The following ITIH4 variants were observed in gnomAD, a reference collection of about 807,000 sequenced individuals.
ITIH4 encodes inter-alpha-trypsin inhibitor heavy chain H4.
In ITIH4, 79 loss-of-function variants were observed where a neutral mutation model predicts 111.8. That is an observed-to-expected ratio of 0.71 (90% CI 0.59 to 0.85). ITIH4 has a LOEUF of 0.85. Ranked by LOEUF, ITIH4 falls within the 40% of genes least tolerant of loss-of-function variation. The probability of loss-of-function intolerance (pLI) is 0.00; values close to 1 mark genes in which losing one functional copy is unlikely to be tolerated. For missense variants in ITIH4, 1,065 were observed against 1,195.8 expected (o/e 0.89, Z 1.61); for synonymous variants, 472 against 468.3 (o/e 1.01, Z -0.10).
rs772622093 is a variant in ITIH4 at position 52,819,525 on chromosome 3, A to C, written c.1952-7T>G. The C allele has an allele frequency of 1.2e-5, 20 of 1,613,948 alleles. No individual in the cohort carries two copies. Among genetic ancestry groups the C allele is most frequent in the Non-Finnish European group, 1.7e-5 (20 of 1,179,996 alleles). ...CGGGAGCCAGCAGCTCCAGCTTTGG[A>C]GAAATCGACAGATGCAGTCTTCTCT... On this transcript the variant is annotated splice_polypyrimidine_tract_variant and splice_region_variant and intron_variant, in intron 16 of 23. Coordinates refer to ENST00000266041, the MANE Select transcript of ITIH4 (RefSeq NM_002218.5).
Position 52,824,625 on chromosome 3 carries a change from T to TC in ITIH4, c.877-61_877-60insG. 1.3e-6 allele frequency: 2 copies of TC among 1,534,428 alleles called. No homozygotes were observed. Among genetic ancestry groups the TC allele is most frequent in the Non-Finnish European group, 1.8e-6 (2 of 1,131,700 alleles). Reference sequence around the variant, plus strand: ...GGGCTCCCTGAGGGCTCGTGTGCCCTAGGGCTGGCATCCTTGGACTCCTGT... The same window carrying TC: ...GGGCTCCCTGAGGGCTCGTGTGCCCTCAGGGCTGGCATCCTTGGACTCCTGT... On this transcript the variant is annotated intron_variant, in intron 7 of 23. Coordinates refer to ENST00000266041, the MANE Select transcript of ITIH4 (RefSeq NM_002218.5). This position sits in a 1 kb window ranked among gnomAD's most constrained non-coding sequence, Gnocchi z 4.3.
chr3:52,818,466 G>T lies in ITIH4; in HGVS notation c.2148C>A (p.Ile716=), dbSNP rs761389777. The change falls in exon 18 of 24, where the codon ATC becomes ATA. Residue 716 remains isoleucine (I), a synonymous_variant. Coordinates refer to ENST00000266041, the MANE Select transcript of ITIH4 (RefSeq NM_002218.5). ...GGCCTCTGGCCTTGGGGGCACCTTC[G>T]ATTTTCATATTCATGACACGAGACA... ...PAVSRVMNMK[I]EETTMTTQTP... is the part of the protein sequence containing the mutation. The T allele has an allele frequency of 5.6e-6, 9 of 1,601,242 alleles. No homozygotes were observed. The highest frequency in any genetic ancestry group is 7.7e-6 in the Non-Finnish European group (9 of 1,173,660).
At chr3:52,815,811 G>A (rs1578770589) in intron 21 of ITIH4, among the ~76,000 whole-genome samples, 3 of 151,512 alleles carry the variant, frequency 2.0e-5, no homozygotes, top group Non-Finnish European at 2.9e-5. Context: ...TCAGCCTCCT[G>A]AGTAGCTGGG....
At chr3:52,826,690 C>G (rs894587198) in intron 4 of ITIH4, 39 bp from the exon 5 acceptor site, 2 of 1,612,088 alleles carry the variant, frequency 1.2e-6, no homozygotes, top group Non-Finnish European at 1.7e-6. Flanking sequence ...AGCCAGGAGC[C>G]TGGGCTGGGG....
Position 52,827,214 on chromosome 3 carries a change from G to T in ITIH4, c.252-17C>A, listed in dbSNP as rs777350188. On this transcript the variant is annotated splice_polypyrimidine_tract_variant and intron_variant, in intron 2 of 23. Coordinates refer to ENST00000266041, the MANE Select transcript of ITIH4 (RefSeq NM_002218.5). ...TCGATGATCCTGGGGGCAGAAGGGT[G>T]GGAGTTGTTGAGAGCCTGGTGGCAG... 2 of 1,601,698 alleles carry T rather than the reference G, an allele frequency of 1.2e-6. No homozygotes were observed. The highest frequency in any genetic ancestry group is 8.6e-7 in the Non-Finnish European group (1 of 1,168,890).
intron 13 of ITIH4, 115 bp downstream of exon 13, chr3:52,820,516 G>A: frequency 7.6e-7 from 1 of 1,318,768 alleles, no homozygotes; most frequent in Non-Finnish European, 1.1e-6. Context: ...AATCTCCCAG[G>A]GGGAGTCTGT....
At chr3:52,815,984 C>T (rs1161370477) in intron 21 of ITIH4, among the ~76,000 whole-genome samples, 1 of 152,194 alleles carries the variant, frequency 6.6e-6, no homozygotes, top group Non-Finnish European at 1.5e-5. Context: ...CCACACCGGG[C>T]GTAGATCTTT....
At position 52,824,890 on chromosome 3, in the gene ITIH4, G is replaced by T; in HGVS notation, c.828C>A (p.Val276=). The T allele has an allele frequency of 6.2e-7, 1 of 1,614,138 alleles. No individual in the cohort carries two copies. The highest frequency in any genetic ancestry group is 8.5e-7 in the Non-Finnish European group (1 of 1,179,990). The change falls in exon 7 of 24, where the codon GTC becomes GTA. Residue 276 remains valine (V), a synonymous_variant. Coordinates refer to ENST00000266041, the MANE Select transcript of ITIH4 (RefSeq NM_002218.5). This position sits in a 1 kb window ranked among gnomAD's most constrained non-coding sequence, Gnocchi z 4.3. Reference sequence around the variant, plus strand: ...TGGAGCCGCTCTTGTCAATGACAAAGACCACATTCTTGGGCATTGTGGTTA... The same window carrying T: ...TGGAGCCGCTCTTGTCAATGACAAATACCACATTCTTGGGCATTGTGGTTA... ...EGLTTMPKNV[V]FVIDKSGSMS...
Position 52,823,751 on chromosome 3 carries a change from TG to T in ITIH4, c.1354-11del. 1 of 1,614,066 alleles carries T rather than the reference TG, an allele frequency of 6.2e-7. No homozygotes were observed. ...CTTCCTGGTAGAAGTCCTGCAGGGT[TG>T]GGGGTGTCATAAAGGCTGGGCTTTA... On this transcript the variant is annotated splice_polypyrimidine_tract_variant and intron_variant, in intron 10 of 23. Transcript: ENST00000266041.
Position 52,816,953 on chromosome 3 carries a change from ACGTGTT to A in ITIH4, c.2396_2401del (p.Glu799_His800del). 1 of 1,613,924 alleles carries A rather than the reference ACGTGTT, an allele frequency of 6.2e-7. No homozygotes were observed. Among genetic ancestry groups the A allele is most frequent in the Non-Finnish European group, 8.5e-7 (1 of 1,179,936 alleles). Reference sequence around the variant, plus strand: ...GCTTCTTCGGTTCCGAGTCACCACCACGTGTTCAGGGGATGCGTGAACCCATACCAG... The same window carrying A: ...GCTTCTTCGGTTCCGAGTCACCACCACAGGGGATGCGTGAACCCATACCAG... On this transcript the variant is annotated inframe_deletion, in exon 21 of 24. Transcript: ENST00000266041.
At chr3:52,820,844 T>C in intron 12 of ITIH4, 59 bp from the exon 13 acceptor site, 1 of 1,564,248 alleles carries the variant, frequency 6.4e-7, no homozygotes, top group East Asian at 2.2e-5. Flanking sequence ...AGATTTTCCA[T>C]CCAGCCCCTT....
chr3:52,824,850 T>A lies in ITIH4; in HGVS notation c.868A>T (p.Ile290Phe), dbSNP rs756645929. Reference sequence around the variant, plus strand: ...TGGGCCACAGGACCTACCTGCTGGATTTTCCTGCCACTCATGGAGCCGCTC... The same window carrying A: ...TGGGCCACAGGACCTACCTGCTGGAATTTCCTGCCACTCATGGAGCCGCTC... ...DKSGSMSGRK[I>F]QQTREALIKI... is the part of the protein sequence containing the mutation. Residue 290 changes from isoleucine to phenylalanine, a missense_variant, in exon 7 of 24, where the codon ATC (isoleucine) becomes TTC (phenylalanine). Physicochemically the swap from Ile to Phe is conservative, Grantham distance 21 (BLOSUM62 0). Transcript: ENST00000266041. This position sits in a 1 kb window ranked among gnomAD's most constrained non-coding sequence, Gnocchi z 4.3. 1.4e-5 allele frequency: 23 copies of A among 1,613,062 alleles called. No individual in the cohort carries two copies. In the South Asian group the frequency reaches 1.9e-4, roughly 13 times the overall value.
intron 17 of ITIH4, 68 bp downstream of exon 17, chr3:52,819,325 C>T (rs534691063): frequency 1.2e-5 from 19 of 1,595,098 alleles, no homozygotes; most frequent in Middle Eastern, 1.8e-4. Context: ...CCCCACCCCC[C>T]TCTATGGGGC....
chr3:52,815,325 C>G (rs183731085), intron 21 of ITIH4, among the ~76,000 whole-genome samples: 4 of 151,468 alleles, frequency 2.6e-5, no homozygotes. Flanking sequence ...CTCACTGCAA[C>G]CTCCACCTCC....
Position 52,818,074 on chromosome 3 carries a change from G to A in ITIH4, c.2274C>T (p.Asn758=), listed in dbSNP as rs751722903. The A allele has an allele frequency of 4.3e-6, 7 of 1,613,514 alleles. No homozygotes were observed. Among genetic ancestry groups the A allele is most frequent in the South Asian group, 1.1e-5 (1 of 91,052 alleles). ...CACCTTGCTCAGGGTCTGAGAGCAG[G>A]TTCACTGGCCCCTGGCGGTGTCTGG... ...VDPRHRQGPV[N]LLSDPEQGVE... Residue 758 remains asparagine, a synonymous_variant, in exon 20 of 24, where the codon AAC becomes AAT. Transcript: ENST00000266041.
chr3:52,824,977 C>T lies in ITIH4; in HGVS notation c.760-19G>A. On this transcript the variant is annotated intron_variant, in intron 6 of 23. Coordinates refer to ENST00000266041, the MANE Select transcript of ITIH4 (RefSeq NM_002218.5). The surrounding 1 kb of genome is among the most constrained non-coding windows in gnomAD (Gnocchi z 4.3). ...TCTCGATCTGTGGCCAGAGTGAGAC[C>T]CACCCAGGCCATCAGAGCTACAATT... 6.5e-7 allele frequency: 1 copy of T among 1,538,992 alleles called. No individual in the cohort carries two copies. Among genetic ancestry groups the T allele is most frequent in the South Asian group, 1.1e-5 (1 of 87,260 alleles).
At chr3:52,814,108 CAG>C (rs1280167693) in intron 22 of ITIH4, 37 bp from the exon 23 acceptor site, 1 of 1,609,720 alleles carries the variant, frequency 6.2e-7, no homozygotes, top group African/African-American at 1.3e-5. Context: ...GGGTCAGAGA[CAG>C]AGGAAGCCTG....
rs748473269 is a variant in ITIH4, at chr3:52,819,503, G to A, written c.1967C>T (p.Ser656Phe). The change falls in exon 17 of 24, where the codon TCC becomes TTC. Residue 656 changes from serine to phenylalanine, a missense_variant. Ser to Phe is a radical substitution (Grantham distance 155). Transcript: ENST00000266041. ...GWNRQAGAAG[S>F]RMNFRPGVLS... ...AACCCCAGGTCTGAAATTCATCCGG[G>A]AGCCAGCAGCTCCAGCTTTGGAGAA... 14 of 1,614,012 alleles carry A rather than the reference G, an allele frequency of 8.7e-6. No individual in the cohort carries two copies. In the East Asian group the frequency reaches 2.2e-4, roughly 26 times the overall value.
chr3:52,813,270 G>T lies in ITIH4; in HGVS notation c.*151C>A. 2 of 718,546 alleles carry T rather than the reference G, an allele frequency of 2.8e-6. No homozygotes were observed. The highest frequency in any genetic ancestry group is 3.4e-5 in the South Asian group (2 of 59,088). 44.5% of individuals were successfully genotyped at this position (718,546 alleles called of 1,614,324 possible). On this transcript the variant is annotated 3_prime_UTR_variant, in exon 24 of 24. Transcript: ENST00000266041. Reference sequence around the variant, plus strand: ...CCCTAGGATTTGGCCACATGGAACTGGAGACACCCACTTCCCAGGCTCACA... The same window carrying T: ...CCCTAGGATTTGGCCACATGGAACTTGAGACACCCACTTCCCAGGCTCACA...
Sources: allele counts gnomAD v4.1 joint callset (sites outside exome capture counted in the v4.1 genomes callset), GRCh38; gene constraint gnomAD v4.1.1; non-coding constraint Gnocchi (gnomAD v3.1); transcripts MANE v1.5; gene names NCBI Gene and HGNC (gene_info 2026-07-23, HGNC 2026-07-21).